Variants in TGFBRAP1 observed in about 807,000 individuals in gnomAD.
TGFBRAP1 encodes the protein transforming growth factor-beta receptor-associated protein 1.
A neutral mutation model predicts 83.2 loss-of-function variants in TGFBRAP1; 20 were observed. The ratio of observed to expected loss-of-function variants is 0.24; its 90% CI spans 0.17 to 0.35. The LOEUF (loss-of-function observed/expected upper bound fraction) is 0.35. Ranked by LOEUF, TGFBRAP1 falls within the 10% of genes least tolerant of loss-of-function variation. The pLI, the probability that TGFBRAP1 is intolerant of heterozygous loss-of-function variation, is 1.00. For synonymous variants in TGFBRAP1, 415 were observed against 459.8 expected, an observed-to-expected ratio of 0.90 and a Z score of 1.25; for missense variants, 950 against 1,099.4, an observed-to-expected ratio of 0.86 and a Z score of 1.92.
intron 4 of TGFBRAP1, among the ~76,000 whole-genome samples, chr2:105,292,367 A>G (rs1423221467): frequency 1.3e-5 from 2 of 152,248 alleles, no homozygotes; most frequent in African/African-American, 4.8e-5. Context: ...CTATTCCTCC[A>G]AAGCAGATGC....
At chr2:105,285,851 C>T (rs1437655527) in intron 4 of TGFBRAP1, among the ~76,000 whole-genome samples, 3 of 152,154 alleles carry the variant, frequency 2.0e-5, no homozygotes, top group Admixed American at 2.0e-4. Context: ...TTCACTGAAA[C>T]CAGCCATTTC....
intron 2 of TGFBRAP1, among the ~76,000 whole-genome samples, chr2:105,306,803 C>G (rs555903541): frequency 1.3e-5 from 2 of 151,696 alleles, no homozygotes; most frequent in African/African-American, 4.8e-5. Flanking sequence ...TGTCTCAAAA[C>G]AAAACAAACA....
At chr2:105,273,979 T>C (rs141199847) in intron 8 of TGFBRAP1, among the ~76,000 whole-genome samples, 450 of 152,240 alleles carry the variant, frequency 3.0e-3, no homozygotes, top group Admixed American at 6.3e-3. Context: ...ACACACCCCA[T>C]GCAAATTGGA....
the TGFBRAP1 span, among the ~76,000 whole-genome samples, chr2:105,255,158 A>T: frequency 7.1e-6 from 1 of 140,398 alleles, no homozygotes; most frequent in Non-Finnish European, 1.7e-5. Flanking sequence ...CAGCTGTCCC[A>T]GTGGCCTAAT....
intron 2 of TGFBRAP1, among the ~76,000 whole-genome samples, chr2:105,305,390 A>G (rs1435875328): frequency 6.6e-6 from 1 of 152,212 alleles, no homozygotes; most frequent in African/African-American, 2.4e-5. Flanking sequence ...TACCATAAAC[A>G]CATACACTAA....
intron 4 of TGFBRAP1, among the ~76,000 whole-genome samples, chr2:105,295,389 C>T (rs1184601512): frequency 6.6e-6 from 1 of 152,028 alleles, no homozygotes; most frequent in East Asian, 1.9e-4. Flanking sequence ...TGTTTTGTTC[C>T]CCTCAAATAT....
chr2:105,251,881 A>C, the TGFBRAP1 span, among the ~76,000 whole-genome samples: 1 of 149,458 alleles, frequency 6.7e-6, no homozygotes, highest in African/African-American at 2.5e-5. Flanking sequence ...TGCTGTGTCC[A>C]CTCAGGGTTG....
In TGFBRAP1 at chr2:105,310,985, C is replaced by T. The variant is rs187428581; in HGVS notation, c.-17-2667G>A. Among the ~76,000 whole-genome samples the T allele has an allele frequency of 2.6e-3, 397 of 152,166 alleles. 2 individuals are homozygous for T. Among genetic ancestry groups the T allele is most frequent in the Non-Finnish European group, 4.4e-3 (300 of 68,010 alleles). On this transcript the variant is annotated intron_variant, in intron 1 of 11. Coordinates refer to ENST00000393359, the MANE Select transcript of TGFBRAP1 (RefSeq NM_004257.6). ...CAATCAAACTCCTTTTATTTAGCTT[C>T]TTAAAAGTATAATATTCATAATTCC...
chr2:105,278,112 G>C (rs1677414149), intron 6 of TGFBRAP1, among the ~76,000 whole-genome samples: 1 of 133,312 alleles, frequency 7.5e-6, no homozygotes, highest in Admixed American at 7.7e-5. Flanking sequence ...GTGTGTGTGT[G>C]TAGTTCAACA....
intron 4 of TGFBRAP1, among the ~76,000 whole-genome samples, chr2:105,286,664 T>C (rs566103926): frequency 2.0e-5 from 3 of 152,342 alleles, no homozygotes; most frequent in East Asian, 3.9e-4. Context: ...AGCCACTCTA[T>C]GTCTACTCTG....
chr2:105,309,632 T>C (rs1678630174), intron 1 of TGFBRAP1, among the ~76,000 whole-genome samples: 1 of 152,136 alleles, frequency 6.6e-6, no homozygotes, highest in Non-Finnish European at 1.5e-5. Flanking sequence ...CAAGTGAGAC[T>C]CCAGCCCCCT....
chr2:105,316,466 C>CGTGT (rs1558654641), intron 1 of TGFBRAP1, among the ~76,000 whole-genome samples: 9 of 67,512 alleles, frequency 1.3e-4, no homozygotes. Context: ...TGTGTGTGCG[C>CGTGT]GCGCGCGCGC....
At chr2:105,303,167 C>T (rs1196995067) in intron 2 of TGFBRAP1, among the ~76,000 whole-genome samples, 1 of 152,180 alleles carries the variant, frequency 6.6e-6, no homozygotes, top group Non-Finnish European at 1.5e-5. Flanking sequence ...CAGTAGTGCA[C>T]GCCTATAGTC....
At chr2:105,325,761 A>G (rs1015312214) in intron 1 of TGFBRAP1, among the ~76,000 whole-genome samples, 7 of 152,210 alleles carry the variant, frequency 4.6e-5, no homozygotes, top group Admixed American at 3.9e-4. Flanking sequence ...TGTGACAGCA[A>G]CTGCTTTTCC....
At chr2:105,294,648 G>A (rs953061903) in intron 4 of TGFBRAP1, among the ~76,000 whole-genome samples, 2 of 152,062 alleles carry the variant, frequency 1.3e-5, no homozygotes, top group African/African-American at 2.4e-5. Flanking sequence ...AGTAATACAG[G>A]GAGAAGCGGG....
Position 105,273,570 on chromosome 2 carries a change from G to A in TGFBRAP1, c.1786C>T (p.His596Tyr). ...YPKALVKYLE[H>Y]LVIDKRLQKE... ...TGCAGTCTCTTGTCTATCACAAGAT[G>A]TTCCAGATACTTCACAAGGGCTTTA... Residue 596 changes from histidine to tyrosine, a missense_variant, in exon 9 of 12, where the codon CAT (histidine) becomes TAT (tyrosine). His to Tyr is a moderately conservative substitution (Grantham distance 83). Transcript: ENST00000393359. The A allele has an allele frequency of 6.2e-7, 1 of 1,614,204 alleles. No individual in the cohort carries two copies. The highest frequency in any genetic ancestry group is 8.5e-7 in the Non-Finnish European group (1 of 1,180,030).
At chr2:105,314,779 T>G (rs1454417041) in intron 1 of TGFBRAP1, among the ~76,000 whole-genome samples, 2 of 151,024 alleles carry the variant, frequency 1.3e-5, no homozygotes, top group Non-Finnish European at 3.0e-5. Context: ...TGAAACCCCA[T>G]CTCTACTAAA....
At chr2:105,272,651 C>T (rs897046270) in intron 10 of TGFBRAP1, among the ~76,000 whole-genome samples, 1 of 152,132 alleles carries the variant, frequency 6.6e-6, no homozygotes, top group Non-Finnish European at 1.5e-5. Flanking sequence ...GCAGGAAGAT[C>T]ACTTGAGGCC....
chr2:105,268,083 A>G (rs1029998214), intron 11 of TGFBRAP1, among the ~76,000 whole-genome samples: 3 of 152,222 alleles, frequency 2.0e-5, no homozygotes. Context: ...TCTTAATGCC[A>G]TCGGTCCCTG....
Sources: gnomAD v4.1 joint callset for allele counts (sites outside exome capture counted in the v4.1 genomes callset) on GRCh38, gnomAD v4.1.1 for gene constraint, MANE v1.5 for transcripts, NCBI Gene and HGNC (gene_info 2026-07-23, HGNC 2026-07-21) for gene names.